The following RPRD2 variants were observed in gnomAD, a reference collection of about 807,000 sequenced individuals.
RPRD2 encodes the protein regulation of nuclear pre-mRNA domain containing 2.
In RPRD2, 12 loss-of-function variants were observed where a neutral mutation model predicts 104.4. The ratio of observed to expected loss-of-function variants is 0.11; its 90% CI spans 0.07 to 0.19. The LOEUF is 0.19. Among genes scored for constraint, RPRD2 ranks in the 10% least tolerant of loss-of-function variants. The probability of loss-of-function intolerance (pLI) is 1.00; values close to 1 mark genes in which losing one functional copy is unlikely to be tolerated. For missense variants in RPRD2, 1,543 were observed against 1,790.1 expected (o/e 0.86, Z 2.49); for synonymous variants, 714 against 684.9 (o/e 1.04, Z -0.66).
At position 150,470,784 on chromosome 1, in the gene RPRD2, G is replaced by A; in HGVS notation, c.1836G>A (p.Gly612=). 1 of 1,613,994 alleles carries A rather than the reference G, an allele frequency of 6.2e-7. No homozygotes were observed. Among genetic ancestry groups the A allele is most frequent in the Non-Finnish European group, 8.5e-7 (1 of 1,179,904 alleles). ...CTTCAGCCAGCAAGGCCTCAATTGG[G>A]CAAAGCCCAGGGCTCCCAAGCACTA... is the stretch of plus-strand genomic sequence containing the variant. ...SSTSASKASI[G]QSPGLPSTTF... The change falls in exon 11 of 11, where the codon GGG becomes GGA. Residue 612 remains glycine (G), a synonymous_variant. Coordinates refer to ENST00000369068, the MANE Select transcript of RPRD2 (RefSeq NM_015203.5).
chr1:150,429,092 G>A (rs1665373327), intron 2 of RPRD2, among the ~76,000 whole-genome samples: 1 of 146,770 alleles, frequency 6.8e-6, no homozygotes, highest in African/African-American at 2.5e-5. Flanking sequence ...GTGGTCAGTA[G>A]TGGCTTTTTT....
chr1:150,450,236 C>T (rs1309174334), intron 7 of RPRD2, among the ~76,000 whole-genome samples: 1 of 152,040 alleles, frequency 6.6e-6, no homozygotes, highest in Admixed American at 6.6e-5. Flanking sequence ...GTTGCTTGTA[C>T]CCCATTATCC....
rs1485844049 is a variant in RPRD2 at position 150,453,033 on chromosome 1, A to G, written c.871-4255A>G. Among the ~76,000 whole-genome samples the G allele has an allele frequency of 1.0e-4, 10 of 97,840 alleles. No homozygotes were observed. In the East Asian group the frequency reaches 2.5e-3, roughly 24 times the overall value. The allele number at this position is 97,840 out of a possible 152,430, so 64.2% of individuals were successfully genotyped here. ...TTGCTCCCTTGTCTTCAATATATTT[A>G]CTTTTTTTTTTTTTTTGGAGACGGA... On this transcript the variant is annotated intron_variant, in intron 7 of 10. Transcript: ENST00000369068.
rs1668877845 is a variant in RPRD2, at chr1:150,476,093, G to A, written c.*2759G>A. On this transcript the variant is annotated 3_prime_UTR_variant, in exon 11 of 11. Transcript: ENST00000369068. ...AGTTTACTCTTCAGTCAGCTTAGATGAGAGCTCTCTCCCTGCTCCCCTCTA... is the reference window on the plus strand; with the variant it reads ...AGTTTACTCTTCAGTCAGCTTAGATAAGAGCTCTCTCCCTGCTCCCCTCTA... The A allele has an allele frequency of 1.3e-5, 2 of 152,172 alleles. No homozygotes were observed. The highest frequency in any genetic ancestry group is 6.6e-5 in the Admixed American group (1 of 15,266). The allele number at this position is 152,172 out of a possible 1,614,324, so 9.4% of individuals were successfully genotyped here. A position where few individuals can be genotyped will look rare whatever the true frequency, so the allele number is the denominator to read the frequency against.
At chr1:150,463,512 G>A (rs1215429935) in intron 9 of RPRD2, among the ~76,000 whole-genome samples, 1 of 151,998 alleles carries the variant, frequency 6.6e-6, no homozygotes, top group Non-Finnish European at 1.5e-5. Flanking sequence ...TTTCTTCTAT[G>A]AAAGATGTTA....
intron 1 of RPRD2, among the ~76,000 whole-genome samples, chr1:150,387,712 C>T (rs1553882194): frequency 6.8e-6 from 1 of 147,710 alleles, no homozygotes; most frequent in African/African-American, 2.5e-5. Flanking sequence ...CTGCATCAGC[C>T]TCCCCAGTAG....
At chr1:150,380,736 C>A (rs1456175954) in intron 1 of RPRD2, among the ~76,000 whole-genome samples, 1 of 151,232 alleles carries the variant, frequency 6.6e-6, no homozygotes, top group Non-Finnish European at 1.5e-5. Flanking sequence ...CTCACTGCAA[C>A]CTCTGCCTCC....
At chr1:150,384,450 C>CATCATCATTATTATTATT (rs1553881396) in intron 1 of RPRD2, among the ~76,000 whole-genome samples, 87 of 132,342 alleles carry the variant, frequency 6.6e-4, no homozygotes, top group Non-Finnish European at 1.0e-3. Context: ...GCATCATCAT[C>CATCATCATTATTATTATT]ATTATTATTA....
chr1:150,394,955 G>A (rs587775933), intron 1 of RPRD2, among the ~76,000 whole-genome samples: 1 of 152,188 alleles, frequency 6.6e-6, no homozygotes, highest in East Asian at 1.9e-4. Flanking sequence ...AGAAAATAAA[G>A]AACATCTTTA....
chr1:150,450,968 C>T (rs1667127286), intron 7 of RPRD2, among the ~76,000 whole-genome samples: 1 of 152,070 alleles, frequency 6.6e-6, no homozygotes, highest in Non-Finnish European at 1.5e-5. Flanking sequence ...ATAATCTAAT[C>T]CTCAGAACCG....
chr1:150,472,238 G>A lies in RPRD2; in HGVS notation c.3290G>A (p.Arg1097Lys). 1.2e-6 allele frequency: 2 copies of A among 1,613,982 alleles called. No individual in the cohort carries two copies. Among genetic ancestry groups the A allele is most frequent in the South Asian group, 1.1e-5 (1 of 91,082 alleles). Reference protein sequence around the residue: ...TLGYHSASNRRMSGEPIQTVE... With the variant: ...TLGYHSASNRKMSGEPIQTVE... ...GGTTATCACAGTGCATCCAATAGGA[G>A]GATGTCAGGGGAGCCGATCCAGACC... is the stretch of plus-strand genomic sequence containing the variant. The change falls in exon 11 of 11, where the codon AGG (arginine) becomes AAG (lysine). Residue 1097 changes from arginine (R) to lysine (K), a missense_variant. Coordinates refer to ENST00000369068, the MANE Select transcript of RPRD2 (RefSeq NM_015203.5).
rs1553894312 is a variant in RPRD2, at chr1:150,440,942, T to A, written c.355T>A (p.Ser119Thr). Residue 119 changes from serine (S) to threonine (T), a missense_variant, in exon 3 of 11, where the codon TCT (serine) becomes ACT (threonine). By Grantham distance (58) the Ser-to-Thr change is moderately conservative. Transcript: ENST00000369068. The part of the protein sequence containing the change: ...ALVKDPSVSK[S>T]VERIFKIWED... ...TTTCAGGGATCCATCTGTCTCTAAG[T>A]CTGTAGAACGAATCTTTAAAATCTG... 2 of 1,565,994 alleles carry A rather than the reference T, an allele frequency of 1.3e-6. No individual in the cohort carries two copies. The highest frequency in any genetic ancestry group is 1.7e-6 in the Non-Finnish European group (2 of 1,150,292).
chr1:150,420,305 A>G (rs994162627), intron 2 of RPRD2, among the ~76,000 whole-genome samples: 2 of 152,108 alleles, frequency 1.3e-5, no homozygotes, highest in Non-Finnish European at 2.9e-5. Flanking sequence ...TGTTACTACC[A>G]TTGTTTCATG....
At position 150,473,354 on chromosome 1, in the gene RPRD2, A is replaced by AT; in HGVS notation, c.*24dup. 1 of 1,587,074 alleles carries AT rather than the reference A, an allele frequency of 6.3e-7. No individual in the cohort carries two copies. Among genetic ancestry groups the AT allele is most frequent in the Non-Finnish European group, 8.6e-7 (1 of 1,167,180 alleles). ...TACTGATGGAAACCAAGGGAAAGGC[A>AT]TTTTGAACAGTCTAGAGAACATTGG... On this transcript the variant is annotated 3_prime_UTR_variant, in exon 11 of 11. Coordinates refer to ENST00000369068, the MANE Select transcript of RPRD2 (RefSeq NM_015203.5).
Position 150,396,220 on chromosome 1 carries a change from T to G in RPRD2, c.206-21376T>G, listed in dbSNP as rs587645843. Among the ~76,000 whole-genome samples the G allele has an allele frequency of 9.0e-4, 137 of 151,894 alleles. 1 individual carries two copies. The highest frequency in any genetic ancestry group is 3.2e-3 in the African/African-American group (134 of 41,466). ...TGTGTTTTTTTTTTTTTTTGGTAATTTGTTTGAGTTTATTATAGATTCTGG... is the reference window on the plus strand; with the variant it reads ...TGTGTTTTTTTTTTTTTTTGGTAATGTGTTTGAGTTTATTATAGATTCTGG... On this transcript the variant is annotated intron_variant, in intron 1 of 10. Coordinates refer to ENST00000369068, the MANE Select transcript of RPRD2 (RefSeq NM_015203.5).
chr1:150,427,071 G>C (rs1194798242), intron 2 of RPRD2, among the ~76,000 whole-genome samples: 1 of 152,138 alleles, frequency 6.6e-6, no homozygotes, highest in African/African-American at 2.4e-5. Context: ...CTTGAACCCG[G>C]GAAGTGGAGG....
At chr1:150,460,018 G>C (rs782113670) in intron 8 of RPRD2, 42 bp from the exon 9 acceptor site, 2 of 1,591,452 alleles carry the variant, frequency 1.3e-6, no homozygotes, top group Non-Finnish European at 1.7e-6. Flanking sequence ...GCAAAGTCTG[G>C]AAAGTAGTAG....
chr1:150,471,769 G>A lies in RPRD2; in HGVS notation c.2821G>A (p.Asp941Asn), dbSNP rs1668602575. 5 of 1,613,856 alleles carry A rather than the reference G, an allele frequency of 3.1e-6. No individual in the cohort carries two copies. Among genetic ancestry groups the A allele is most frequent in the Non-Finnish European group, 4.2e-6 (5 of 1,179,868 alleles). Reference protein sequence around the residue: ...PSKNDSFFTPDSNHNSLSQST... With the variant: ...PSKNDSFFTPNSNHNSLSQST... ...TAAGAATGATTCATTTTTCACCCCT[G>A]ACTCCAACCACAATAGCTTGTCTCA... Residue 941 changes from aspartate (D) to asparagine (N), a missense_variant, in exon 11 of 11, where the codon GAC (aspartate) becomes AAC (asparagine). Transcript: ENST00000369068. This position sits in a 1 kb window ranked among gnomAD's most constrained non-coding sequence, Gnocchi z 5.3.
At chr1:150,414,719 T>C (rs587682654) in intron 1 of RPRD2, among the ~76,000 whole-genome samples, 179 of 152,028 alleles carry the variant, frequency 1.2e-3, no homozygotes, top group African/African-American at 4.1e-3. Context: ...ACCTTGAAAA[T>C]TGGTGTTTGA....
Sources: gnomAD v4.1 joint callset for allele counts (sites outside exome capture counted in the v4.1 genomes callset) on GRCh38, gnomAD v4.1.1 for gene constraint, Gnocchi (gnomAD v3.1) non-coding constraint, MANE v1.5 for transcripts, NCBI Gene and HGNC (gene_info 2026-07-23, HGNC 2026-07-21) for gene names.